RGN: variants seen among roughly 807,000 people sequenced by gnomAD.
The protein encoded by RGN is regucalcin.
A neutral mutation model predicts 20.6 loss-of-function variants in RGN; 19 were observed. That is an observed-to-expected ratio of 0.92 (90% CI 0.64 to 1.35). The LOEUF (loss-of-function observed/expected upper bound fraction) is 1.35. Among genes scored for constraint, RGN ranks in the 40% most tolerant of loss-of-function variants. The pLI is 0.00. For synonymous variants in RGN, 85 were observed against 87.2 expected, an observed-to-expected ratio of 0.97 and a Z score of 0.14; for missense variants, 302 against 232.7, an observed-to-expected ratio of 1.30 and a Z score of -1.94.
At chrX:47,085,643 A>G (rs1930555674) in intron 4 of RGN, among the ~76,000 whole-genome samples, 1 of 108,957 alleles carries the variant, frequency 9.2e-6, no homozygotes, top group South Asian at 3.8e-4. Context: ...TTATCTCCAG[A>G]GTCCTTTATT....
chrX:47,088,943 AAAAAG>A lies in RGN; in HGVS notation c.347-830_347-826del, dbSNP rs1250457345. Among the ~76,000 whole-genome samples the A allele has an allele frequency of 8.3e-3, 546 of 65,550 alleles. 4 individuals are homozygous for A. The highest frequency in any genetic ancestry group is 0.025 in the African/African-American group (512 of 20,144). 56.9% of individuals were successfully genotyped at this position (65,550 alleles called of 115,157 possible). ...AGCAACACTCTGCCAAAAAAAAAAA[AAAAAG>A]AAGAAGAAGAAGAAGAAGATAGAAG... On this transcript the variant is annotated intron_variant, in intron 4 of 7. Coordinates refer to ENST00000397180, the MANE Select transcript of RGN (RefSeq NM_152869.4).
intron 4 of RGN, among the ~76,000 whole-genome samples, chrX:47,086,710 C>T (rs1014468862): frequency 2.1e-5 from 2 of 97,133 alleles, no homozygotes; most frequent in Non-Finnish European, 4.1e-5. Flanking sequence ...CAGGACATGG[C>T]TGCCCCTAGA....
At chrX:47,080,044 C>A (rs781815745) in intron 1 of RGN, among the ~76,000 whole-genome samples, 1 of 111,079 alleles carries the variant, frequency 9.0e-6, no homozygotes, top group South Asian at 3.8e-4. Context: ...CCACTACACC[C>A]GCTAATTTTT....
rs1556381139 is a variant in RGN, at chrX:47,081,191, G to A, written c.47G>A (p.Cys16Tyr). 8.3e-7 allele frequency: 1 copy of A among 1,204,654 alleles called. No homozygotes were observed. The highest frequency in any genetic ancestry group is 1.8e-5 in the South Asian group (1 of 56,823). The change falls in exon 3 of 8, where the codon TGT (cysteine) becomes TAT (tyrosine). Residue 16 changes from cysteine to tyrosine, a missense_variant. Coordinates refer to ENST00000397180, the MANE Select transcript of RGN (RefSeq NM_152869.4). ...TGTGTTTTGCCAGAGAACTGCCGGT[G>A]TGGTGAGTCTCCAGTATGGGAGGAA... ...IECVLPENCR[C>Y]GESPVWEEVS... is the part of the protein sequence containing the mutation.
intron 7 of RGN, among the ~76,000 whole-genome samples, chrX:47,092,683 C>T (rs1285345109): frequency 1.8e-5 from 2 of 112,000 alleles, no homozygotes; most frequent in African/African-American, 6.5e-5. Flanking sequence ...AGTTTTAAAT[C>T]TAAGTTAGTC....
intron 4 of RGN, among the ~76,000 whole-genome samples, chrX:47,086,068 C>CTT (rs1311440867): frequency 3.6e-5 from 4 of 111,796 alleles, no homozygotes; most frequent in Non-Finnish European, 5.6e-5. Context: ...TCTCTTTGAT[C>CTT]TTTTTTAAAA....
Position 47,091,738 on chromosome X carries a change from T to C in RGN, c.623T>C (p.Ile208Thr). Residue 208 changes from isoleucine (I) to threonine (T), a missense_variant, in exon 6 of 8, where the codon ATT (isoleucine) becomes ACT (threonine). Ile to Thr is a moderately conservative substitution (Grantham distance 89). Transcript: ENST00000397180. ...GAACAAATCCCAGATGGAATGTGTA[T>C]TGATGCTGAGGGGAAGCTCTGGGTG... ...KEEQIPDGMC[I>T]DAEGKLWVAC... The C allele has an allele frequency of 3.3e-6, 4 of 1,210,503 alleles. No individual in the cohort carries two copies. Among genetic ancestry groups the C allele is most frequent in the South Asian group, 3.5e-5 (2 of 56,938 alleles).
Position 47,092,184 on chromosome X carries a change from T to C in RGN, c.818T>C (p.Leu273Ser). ...ARDGMDPEGL[L>S]RQPEAGGIFK... ...GATGGGATGGACCCCGAGGGTCTTT[T>C]GAGGCAACCTGAAGCTGGTGGAATT... is the stretch of plus-strand genomic sequence containing the variant. Residue 273 changes from leucine (L) to serine (S), a missense_variant, in exon 7 of 8, where the codon TTG becomes TCG. Physicochemically the swap from Leu to Ser is moderately radical, Grantham distance 145. Transcript: ENST00000397180. 1 of 1,187,815 alleles carries C rather than the reference T, an allele frequency of 8.4e-7. No homozygotes were observed. The highest frequency in any genetic ancestry group is 1.1e-6 in the Non-Finnish European group (1 of 883,074).
At chrX:47,081,031 C>G in intron 2 of RGN, 95 bp downstream of exon 2, 1 of 578,224 alleles carries the variant, frequency 1.7e-6, no homozygotes, top group Non-Finnish European at 3.0e-6. Flanking sequence ...CTGCTCTGAT[C>G]TGGGGGAAGT....
intron 3 of RGN, among the ~76,000 whole-genome samples, chrX:47,083,170 T>C (rs978545332): frequency 1.8e-5 from 2 of 110,927 alleles, no homozygotes; most frequent in Non-Finnish European, 3.8e-5. Context: ...GAGGCTGAGG[T>C]GGGTGGATCA....
intron 4 of RGN, chrX:47,084,855 T>G (rs782307608): frequency 1.3e-5 from 4 of 298,235 alleles, no homozygotes; most frequent in African/African-American, 2.7e-5. Context: ...CTCAGGAGGC[T>G]GAGTTGGAAG....
chrX:47,079,433 T>C (rs1485400161), intron 1 of RGN, among the ~76,000 whole-genome samples: 1 of 108,673 alleles, frequency 9.2e-6, no homozygotes, highest in African/African-American at 3.4e-5. Context: ...TTTTTTGTTT[T>C]TTTGGTTTTT....
intron 3 of RGN, among the ~76,000 whole-genome samples, chrX:47,083,912 C>CA (rs201804315): frequency 1.4e-4 from 10 of 72,255 alleles, no homozygotes; most frequent in African/African-American, 7.6e-4. Flanking sequence ...AACTCTGTCT[C>CA]AAACAAAACA....
chrX:47,089,598 TACACACACACACACACACACACAC>T lies in RGN; in HGVS notation c.347-166_347-143del, dbSNP rs200155890. Among the ~76,000 whole-genome samples, 14 of 69,993 alleles carry T rather than the reference TACACACACACACACACACACACAC, an allele frequency of 2.0e-4. No homozygotes were observed. In the South Asian group the frequency reaches 0.01, roughly 50 times the overall value. The allele number at this position is 69,993 out of a possible 115,157, so 60.8% of individuals were successfully genotyped here. ...TATACTTTATATATATATATATATA[TACACACACACACACACACACACAC>T]ACACACACACATATATATATATGGC... On this transcript the variant is annotated intron_variant, in intron 4 of 7. Coordinates refer to ENST00000397180, the MANE Select transcript of RGN (RefSeq NM_152869.4).
intron 4 of RGN, among the ~76,000 whole-genome samples, 166 bp from the exon 5 acceptor site, chrX:47,089,610 C>T (rs1180905207): frequency 4.3e-3 from 86 of 20,064 alleles, no homozygotes; most frequent in East Asian, 0.01. Flanking sequence ...CACACACACA[C>T]ACACACACAC....
chrX:47,084,700 A>G, intron 4 of RGN, 100 bp downstream of exon 4: 2 of 746,547 alleles, frequency 2.7e-6, no homozygotes, highest in Non-Finnish European at 3.8e-6. Context: ...TCCCGCCTGT[A>G]ATCCAGCACT....
intron 3 of RGN, among the ~76,000 whole-genome samples, chrX:47,083,341 G>C (rs1223014918): frequency 9.2e-6 from 1 of 108,976 alleles, no homozygotes; most frequent in African/African-American, 3.4e-5. Flanking sequence ...GGAGGTTGCA[G>C]TGAGTCAAGA....
rs782100287 is a variant in RGN, at chrX:47,080,892, T to C, written c.-60T>C. ...CAAGGAGTGGAGGTCAGAGTGTCAC[T>C]TTTTTGTTTTCTTTTTGAAAGATCA... On this transcript the variant is annotated 5_prime_UTR_variant, in exon 2 of 8. Transcript: ENST00000397180. 28 of 326,551 alleles carry C rather than the reference T, an allele frequency of 8.6e-5. No individual in the cohort carries two copies. Among genetic ancestry groups the C allele is most frequent in the African/African-American group, 7.2e-4 (27 of 37,515 alleles). 26.9% of individuals were successfully genotyped at this position (326,551 alleles called of 1,213,427 possible). A position where few individuals can be genotyped will look rare whatever the true frequency, so the allele number is the denominator to read the frequency against.
intron 3 of RGN, among the ~76,000 whole-genome samples, chrX:47,081,935 TTA>T (rs1442337902): frequency 1.8e-5 from 2 of 112,151 alleles, no homozygotes; most frequent in Non-Finnish European, 3.8e-5. Context: ...AAAGACCCAG[TTA>T]TCTGCCTTGG....
Sources: gnomAD v4.1 joint callset for allele counts (sites outside exome capture counted in the v4.1 genomes callset) on GRCh38, gnomAD v4.1.1 for gene constraint, MANE v1.5 for transcripts, NCBI Gene and HGNC (gene_info 2026-07-23, HGNC 2026-07-21) for gene names.